TNFRSF19: variants seen among roughly 807,000 people sequenced by gnomAD.
The protein encoded by TNFRSF19 is TNF receptor superfamily member 19.
TNFRSF19 carries 27 observed loss-of-function variants against 46.4 expected under a neutral mutation model. That is an observed-to-expected ratio of 0.58 (90% CI 0.43 to 0.80). The LOEUF (loss-of-function observed/expected upper bound fraction) is 0.80, where lower values mean the gene tolerates loss of function less well. TNFRSF19 is among the 30% of genes least tolerant of loss of function. The probability of loss-of-function intolerance (pLI) is 0.00; values close to 1 mark genes in which losing one functional copy is unlikely to be tolerated. For synonymous variants in TNFRSF19, 204 were observed against 205.0 expected (o/e 1.00, Z 0.04); for missense variants, 511 against 530.8 (o/e 0.96, Z 0.37).
At chr13:23,651,545 A>T (rs1476187740) in intron 5 of TNFRSF19, among the ~76,000 whole-genome samples, 1 of 152,220 alleles carries the variant, frequency 6.6e-6, no homozygotes, top group Non-Finnish European at 1.5e-5. Context: ...GACAGAAAGC[A>T]TAATTAGTTC....
At chr13:23,661,135 A>G (rs1884340594) in intron 7 of TNFRSF19, among the ~76,000 whole-genome samples, 2 of 152,114 alleles carry the variant, frequency 1.3e-5, no homozygotes. Context: ...TTTACAGATT[A>G]TTTAATTATT....
chr13:23,584,190 C>T (rs1878660952), intron 1 of TNFRSF19, among the ~76,000 whole-genome samples: 1 of 152,102 alleles, frequency 6.6e-6, no homozygotes, highest in Non-Finnish European at 1.5e-5. Context: ...GCAGTATACA[C>T]TGAACCCGAT....
chr13:23,657,734 TCCA>T (rs1235535562), intron 5 of TNFRSF19, among the ~76,000 whole-genome samples: 1 of 152,112 alleles, frequency 6.6e-6, no homozygotes, highest in Non-Finnish European at 1.5e-5. Context: ...CGCTCTGTCG[TCCA>T]GGCTGGAGCG....
chr13:23,591,359 A>G (rs1879273778), intron 2 of TNFRSF19, among the ~76,000 whole-genome samples: 1 of 152,206 alleles, frequency 6.6e-6, no homozygotes, highest in Admixed American at 6.5e-5. Flanking sequence ...AGGATGAGGT[A>G]GGAGAATCGC....
In TNFRSF19 at chr13:23,601,650, G is replaced by T. The variant is rs1928115; in HGVS notation, c.180+8195G>T. Among the ~76,000 whole-genome samples, 278 of 148,256 alleles carry T rather than the reference G, an allele frequency of 1.9e-3. 3 individuals are homozygous for T. The East Asian group carries it at 0.041, about 22-fold the overall frequency. On this transcript the variant is annotated intron_variant, in intron 3 of 9. Transcript: ENST00000248484. The stretch of plus-strand genomic sequence containing the variant: ...AACTAATAATAGAAACAATGTATTT[G>T]ATTGAGTATGCTTGTGTGTACACAC...
intron 5 of TNFRSF19, among the ~76,000 whole-genome samples, chr13:23,655,490 G>A (rs1206765802): frequency 2.0e-5 from 3 of 152,114 alleles, no homozygotes; most frequent in Admixed American, 6.5e-5. Flanking sequence ...AAGTACTTTC[G>A]GAATCCTAAT....
At chr13:23,634,657 T>C (rs753678728) in intron 5 of TNFRSF19, among the ~76,000 whole-genome samples, 4 of 152,168 alleles carry the variant, frequency 2.6e-5, no homozygotes, top group Non-Finnish European at 5.9e-5. Context: ...AAATGTGAGC[T>C]TATGGAGGAA....
chr13:23,657,252 G>A (rs1238851125), intron 5 of TNFRSF19, among the ~76,000 whole-genome samples: 3 of 152,110 alleles, frequency 2.0e-5, no homozygotes, highest in East Asian at 1.9e-4. Flanking sequence ...GATAGTTCCT[G>A]CTATCCTGTT....
intron 1 of TNFRSF19, among the ~76,000 whole-genome samples, chr13:23,583,776 G>C (rs1004029616): frequency 8.5e-5 from 13 of 152,232 alleles, no homozygotes; most frequent in African/African-American, 3.1e-4. Flanking sequence ...TTAAACAGCT[G>C]TGTTTGAGAG....
intron 5 of TNFRSF19, among the ~76,000 whole-genome samples, chr13:23,650,199 T>C (rs1330398730): frequency 6.6e-6 from 1 of 152,198 alleles, no homozygotes; most frequent in African/African-American, 2.4e-5. Context: ...TAATCTTTAG[T>C]GTAATGGCAA....
At chr13:23,637,903 G>A (rs1006607439) in intron 5 of TNFRSF19, among the ~76,000 whole-genome samples, 1 of 152,346 alleles carries the variant, frequency 6.6e-6, no homozygotes, top group Admixed American at 6.5e-5. Context: ...CTGGAGGCCG[G>A]AGCCCAAAAT....
intron 3 of TNFRSF19, among the ~76,000 whole-genome samples, chr13:23,602,237 C>A (rs1266136703): frequency 6.6e-6 from 1 of 152,094 alleles, no homozygotes; most frequent in Non-Finnish European, 1.5e-5. Context: ...TCAGACAGAG[C>A]AGACTTCAAA....
chr13:23,581,722 T>C (rs1376342485), intron 1 of TNFRSF19, among the ~76,000 whole-genome samples: 1 of 152,186 alleles, frequency 6.6e-6, no homozygotes, highest in Non-Finnish European at 1.5e-5. Context: ...CTAACATTCA[T>C]AAAAAGAATT....
At chr13:23,604,392 G>A (rs185002888) in intron 3 of TNFRSF19, among the ~76,000 whole-genome samples, 196 of 152,138 alleles carry the variant, frequency 1.3e-3, no homozygotes, top group Middle Eastern at 3.4e-3. Context: ...CCATGTTTAT[G>A]GAGAGGAAGA....
chr13:23,605,741 G>A (rs1880467368), intron 3 of TNFRSF19, among the ~76,000 whole-genome samples: 1 of 152,136 alleles, frequency 6.6e-6, no homozygotes, highest in Admixed American at 6.6e-5. Context: ...CCAACTATAC[G>A]ACATTCTAGA....
intron 1 of TNFRSF19, among the ~76,000 whole-genome samples, chr13:23,584,248 C>T (rs910460169): frequency 6.6e-6 from 1 of 151,928 alleles, no homozygotes; most frequent in Non-Finnish European, 1.5e-5. Flanking sequence ...CCCCCAAGTC[C>T]CCAAAGTCCA....
chr13:23,607,937 G>GA (rs1880626543), intron 3 of TNFRSF19, among the ~76,000 whole-genome samples: 2 of 152,102 alleles, frequency 1.3e-5, no homozygotes, highest in Non-Finnish European at 2.9e-5. Context: ...TCTTTGGAAG[G>GA]CATTCAATTC....
At chr13:23,612,937 T>C (rs756565371) in intron 3 of TNFRSF19, among the ~76,000 whole-genome samples, 174 of 152,204 alleles carry the variant, frequency 1.1e-3, no homozygotes, top group Non-Finnish European at 2.0e-3. Context: ...GGAGCCACAG[T>C]TGAATGACTG....
intron 6 of TNFRSF19, among the ~76,000 whole-genome samples, chr13:23,660,008 G>A (rs2138391478): frequency 6.6e-6 from 1 of 152,218 alleles, no homozygotes; most frequent in African/African-American, 2.4e-5. Flanking sequence ...GTCTCAGCGT[G>A]GCAGAGGCTG....
Sources: gnomAD v4.1 joint callset for allele counts (sites outside exome capture counted in the v4.1 genomes callset) on GRCh38, gnomAD v4.1.1 for gene constraint, MANE v1.5 for transcripts, NCBI Gene and HGNC (gene_info 2026-07-23, HGNC 2026-07-21) for gene names.